The following RIC1 variants were observed in gnomAD, a reference collection of about 807,000 sequenced individuals.
The protein encoded by RIC1 is guanine nucleotide exchange factor subunit RIC1.
Under a neutral mutation model 169.0 loss-of-function variants are expected in RIC1, and 88 were observed. That is an observed-to-expected ratio of 0.52 (90% CI 0.44 to 0.62). The LOEUF is 0.62. Among genes scored for constraint, RIC1 ranks in the 20% least tolerant of loss-of-function variants. The probability of loss-of-function intolerance (pLI) is 0.00; values close to 1 mark genes in which losing one functional copy is unlikely to be tolerated. For missense variants in RIC1, 1,877 were observed against 1,725.5 expected (o/e 1.09, Z -1.56); for synonymous variants, 790 against 601.5 (o/e 1.31, Z -4.59).
At chr9:5,755,009 G>GT (rs773586391) in intron 15 of RIC1, 79 bp downstream of exon 15, 17 of 893,798 alleles carry the variant, frequency 1.9e-5, no homozygotes, top group Non-Finnish European at 2.8e-5. Context: ...ATAGAAAATA[G>GT]TCGATTGAAA....
In RIC1 at chr9:5,768,960, C is replaced by G; in HGVS notation, c.3138-10C>G. The G allele has an allele frequency of 6.3e-7, 1 of 1,592,352 alleles. No individual in the cohort carries two copies. The highest frequency in any genetic ancestry group is 8.5e-7 in the Non-Finnish European group (1 of 1,170,852). ...ATTATTCTGTAGCTTTCTTGTGTTTCCACTTACAGATGGAGCAAAGACAGT... is the reference window on the plus strand; with the variant it reads ...ATTATTCTGTAGCTTTCTTGTGTTTGCACTTACAGATGGAGCAAAGACAGT... On this transcript the variant is annotated splice_polypyrimidine_tract_variant and intron_variant, in intron 21 of 25. Transcript: ENST00000414202.
chr9:5,717,629 G>A (rs753503077), intron 4 of RIC1, among the ~76,000 whole-genome samples: 4 of 152,172 alleles, frequency 2.6e-5, no homozygotes, highest in African/African-American at 9.7e-5. Context: ...TGGATCACCT[G>A]AGGTCAGGAG....
intron 8 of RIC1, among the ~76,000 whole-genome samples, chr9:5,741,089 A>G (rs1445545947): frequency 6.6e-6 from 1 of 152,106 alleles, no homozygotes; most frequent in African/African-American, 2.4e-5. Context: ...CTGTGATTTA[A>G]TTATAGTTTA....
At chr9:5,664,179 G>T (rs569377621) in intron 2 of RIC1, among the ~76,000 whole-genome samples, 37 of 152,038 alleles carry the variant, frequency 2.4e-4, no homozygotes, top group African/African-American at 8.7e-4. Context: ...GGAGGCCAAG[G>T]CGGGCGGATA....
At chr9:5,684,224 A>G (rs917546018) in intron 2 of RIC1, among the ~76,000 whole-genome samples, 4 of 117,366 alleles carry the variant, frequency 3.4e-5, no homozygotes, top group Admixed American at 1.2e-4. Context: ...TGTGTTGCTC[A>G]TGCTGGGAGC....
At chr9:5,638,050 A>T (rs1388948433) in intron 1 of RIC1, among the ~76,000 whole-genome samples, 2 of 152,088 alleles carry the variant, frequency 1.3e-5, no homozygotes, top group Non-Finnish European at 2.9e-5. Flanking sequence ...TAGGGTTTTT[A>T]TGAAGGGATG....
intron 1 of RIC1, among the ~76,000 whole-genome samples, chr9:5,640,848 A>G (rs1818202968): frequency 1.3e-5 from 2 of 152,014 alleles, no homozygotes; most frequent in African/African-American, 2.4e-5. Flanking sequence ...TGCTTGAAGG[A>G]TATTTTCACT....
At chr9:5,742,372 A>T (rs1825132281) in intron 8 of RIC1, among the ~76,000 whole-genome samples, 2 of 152,150 alleles carry the variant, frequency 1.3e-5, no homozygotes, top group South Asian at 4.1e-4. Context: ...GGATTTAAGT[A>T]TTCTATTCAC....
At chr9:5,669,161 G>A (rs751861714) in intron 2 of RIC1, among the ~76,000 whole-genome samples, 3 of 152,108 alleles carry the variant, frequency 2.0e-5, no homozygotes, top group African/African-American at 4.8e-5. Context: ...TGTTTTCTCT[G>A]TTGCCAGCCA....
At chr9:5,743,083 C>G (rs1002339493) in intron 9 of RIC1, 70 bp downstream of exon 9, 2 of 1,450,438 alleles carry the variant, frequency 1.4e-6, no homozygotes, top group Non-Finnish European at 9.4e-7. Flanking sequence ...ATACAAAAAC[C>G]TTGTGTCAGA....
intron 6 of RIC1, among the ~76,000 whole-genome samples, chr9:5,730,782 A>G (rs1391926061): frequency 1.3e-5 from 2 of 152,166 alleles, no homozygotes; most frequent in East Asian, 3.9e-4. Flanking sequence ...AGTTTAAAAA[A>G]TTTGAATATT....
At chr9:5,690,859 G>T (rs1395528905) in intron 3 of RIC1, among the ~76,000 whole-genome samples, 1 of 151,740 alleles carries the variant, frequency 6.6e-6, no homozygotes, top group Non-Finnish European at 1.5e-5. Context: ...GATAAATAGG[G>T]AAAGTAGTCT....
chr9:5,742,464 T>C (rs953856132), intron 8 of RIC1, among the ~76,000 whole-genome samples: 3 of 152,210 alleles, frequency 2.0e-5, no homozygotes, highest in Admixed American at 6.6e-5. Flanking sequence ...CCTTACGTTT[T>C]TTTAATCATT....
At chr9:5,743,820 T>G (rs1290129254) in intron 10 of RIC1, 83 bp downstream of exon 10, 17 of 1,089,298 alleles carry the variant, frequency 1.6e-5, no homozygotes, top group Non-Finnish European at 2.2e-5. Flanking sequence ...TTTATTTATT[T>G]AATTTTTTGA....
In RIC1 at chr9:5,629,302, C is replaced by T. The variant is rs1415077146; in HGVS notation, c.-8C>T. 9 of 1,506,482 alleles carry T rather than the reference C, an allele frequency of 6.0e-6. No individual in the cohort carries two copies. The South Asian group carries it at 9.9e-5, about 17-fold the overall frequency. 93.3% of individuals were successfully genotyped at this position (1,506,482 alleles called of 1,614,324 possible). On this transcript the variant is annotated 5_prime_UTR_variant, in exon 1 of 26. Coordinates refer to ENST00000414202, the MANE Select transcript of RIC1 (RefSeq NM_020829.4). ...GCAACTGGGGGCGCCGGGGGCTCCG[C>T]ACGGACCATGTATTTTCTGAGCGGC...
chr9:5,712,948 A>G (rs191454633), intron 3 of RIC1: 4 of 152,308 alleles, frequency 2.6e-5, no homozygotes, highest in African/African-American at 9.6e-5. Context: ...ACAAAACTTT[A>G]TAAGAAAAAT....
chr9:5,656,012 G>A (rs201287700), intron 1 of RIC1, among the ~76,000 whole-genome samples: 1 of 152,084 alleles, frequency 6.6e-6, no homozygotes, highest in Non-Finnish European at 1.5e-5. Context: ...TGGGACTACA[G>A]GCGCCTGCCA....
At chr9:5,642,162 G>C (rs1818283457) in intron 1 of RIC1, among the ~76,000 whole-genome samples, 1 of 144,992 alleles carries the variant, frequency 6.9e-6, no homozygotes. Flanking sequence ...TGGTGGTCTT[G>C]GATAAAATCT....
At chr9:5,677,346 A>G (rs1820510923) in intron 2 of RIC1, among the ~76,000 whole-genome samples, 2 of 152,096 alleles carry the variant, frequency 1.3e-5, no homozygotes, top group Admixed American at 1.3e-4. Context: ...TGTGTGTTCA[A>G]ATCTTTTGCC....
Sources: gnomAD v4.1 joint callset for allele counts (sites outside exome capture counted in the v4.1 genomes callset) on GRCh38, gnomAD v4.1.1 for gene constraint, MANE v1.5 for transcripts, NCBI Gene and HGNC (gene_info 2026-07-23, HGNC 2026-07-21) for gene names.